Variants in HSD17B3 observed in about 807,000 individuals in gnomAD.
HSD17B3 encodes hydroxysteroid 17-beta dehydrogenase 3.
A neutral mutation model predicts 41.1 loss-of-function variants in HSD17B3; 29 were observed. The observed-to-expected ratio is 0.71, with a 90% CI of 0.53 to 0.96. HSD17B3 has a LOEUF of 0.96. HSD17B3 is among the 40% of genes least tolerant of loss of function. The pLI is 0.00. For missense variants in HSD17B3, 323 were observed against 374.6 expected, an observed-to-expected ratio of 0.86 and a Z score of 1.14; for synonymous variants, 126 against 145.6, an observed-to-expected ratio of 0.87 and a Z score of 0.97.
At chr9:96,242,404 T>C (rs1836492317) in intron 9 of HSD17B3, among the ~76,000 whole-genome samples, 1 of 152,208 alleles carries the variant, frequency 6.6e-6, no homozygotes, top group Non-Finnish European at 1.5e-5. Flanking sequence ...CCCAGAGATA[T>C]AAGCAGGCAT....
At chr9:96,266,351 C>T (rs1475380323) in intron 2 of HSD17B3, among the ~76,000 whole-genome samples, 3 of 152,188 alleles carry the variant, frequency 2.0e-5, no homozygotes, top group Non-Finnish European at 4.4e-5. Flanking sequence ...AGGCTCACCA[C>T]AGCCTTGACC....
intron 2 of HSD17B3, among the ~76,000 whole-genome samples, chr9:96,295,196 G>A (rs1450764317): frequency 5.9e-5 from 9 of 151,794 alleles, no homozygotes; most frequent in Admixed American, 2.0e-4. Context: ...TAGTAGAGAC[G>A]GGGTTTCACT....
intron 3 of HSD17B3, among the ~76,000 whole-genome samples, chr9:96,253,851 A>G (rs1466042952): frequency 1.3e-5 from 2 of 152,156 alleles, no homozygotes; most frequent in Non-Finnish European, 2.9e-5. Flanking sequence ...GTCCTAGTCA[A>G]AGTTACTTCT....
At chr9:96,272,733 G>C (rs1342826856) in intron 2 of HSD17B3, among the ~76,000 whole-genome samples, 1 of 151,538 alleles carries the variant, frequency 6.6e-6, no homozygotes, top group Non-Finnish European at 1.5e-5. Context: ...GAAAAATAAA[G>C]ACTTATGTTT....
chr9:96,292,520 G>A (rs1012666827), intron 2 of HSD17B3, among the ~76,000 whole-genome samples: 3 of 152,094 alleles, frequency 2.0e-5, no homozygotes, highest in African/African-American at 7.2e-5. Context: ...GCTAATTTTT[G>A]TATTTTCCGT....
intron 2 of HSD17B3, among the ~76,000 whole-genome samples, chr9:96,296,085 C>T (rs190895808): frequency 2.0e-5 from 3 of 152,054 alleles, no homozygotes; most frequent in Admixed American, 1.3e-4. Context: ...CCTGTCAGTA[C>T]AAAAAATTTA....
intron 2 of HSD17B3, among the ~76,000 whole-genome samples, chr9:96,290,404 G>T (rs1456587560): frequency 6.2e-5 from 9 of 146,054 alleles, no homozygotes; most frequent in Admixed American, 6.9e-5. Flanking sequence ...GTGAGAGGAG[G>T]TTCATTTAGG....
chr9:96,259,725 G>GAA (rs11410872), intron 2 of HSD17B3, among the ~76,000 whole-genome samples: 32 of 147,386 alleles, frequency 2.2e-4, no homozygotes, highest in East Asian at 4.0e-4. Context: ...CGTCTCAAAA[G>GAA]AAAAAAAAAA....
rs71368240 is a variant in HSD17B3, at chr9:96,262,229, C to CTTTTTT, written c.202-7292_202-7287dup. On this transcript the variant is annotated intron_variant, in intron 2 of 10. Transcript: ENST00000375263. ...ACAGTGGTTGTAAACATGTCAATTG[C>CTTTTTT]TTTTTTTTTTTTTTTTTTTTTTTTT... 6.8e-4 allele frequency among the ~76,000 whole-genome samples: 37 copies of CTTTTTT among 54,210 alleles called. 1 individual carries two copies. Among genetic ancestry groups the CTTTTTT allele is most frequent in the Admixed American group, 1.7e-3 (5 of 2,940 alleles). The allele number at this position is 54,210 out of a possible 152,430, so 35.6% of individuals were successfully genotyped here.
At chr9:96,271,462 C>T (rs1826243214) in intron 2 of HSD17B3, among the ~76,000 whole-genome samples, 1 of 152,204 alleles carries the variant, frequency 6.6e-6, no homozygotes, top group Non-Finnish European at 1.5e-5. Context: ...GACTAAGTGA[C>T]ATTTCCCAGC....
At chr9:96,285,148 T>C (rs1229593168) in intron 2 of HSD17B3, among the ~76,000 whole-genome samples, 1 of 152,112 alleles carries the variant, frequency 6.6e-6, no homozygotes, top group Non-Finnish European at 1.5e-5. Flanking sequence ...TGAAGCCAAT[T>C]TTTAAAAAAA....
At chr9:96,267,088 T>C (rs1826066623) in intron 2 of HSD17B3, among the ~76,000 whole-genome samples, 1 of 151,886 alleles carries the variant, frequency 6.6e-6, no homozygotes, top group African/African-American at 2.4e-5. Context: ...AGTGGCTAAC[T>C]TGAAGACAGA....
At chr9:96,240,987 A>C in intron 9 of HSD17B3, 80 bp from the exon 10 acceptor site, 2 of 1,522,372 alleles carry the variant, frequency 1.3e-6, no homozygotes, top group Non-Finnish European at 1.8e-6. Flanking sequence ...TCAAGCCCCC[A>C]TCCCACCATT....
chr9:96,248,507 C>A (rs1188742349), intron 6 of HSD17B3, among the ~76,000 whole-genome samples: 6 of 152,312 alleles, frequency 3.9e-5, no homozygotes, highest in Non-Finnish European at 8.8e-5. Context: ...GGTCCCAGCT[C>A]CTTGAAATCA....
At chr9:96,256,393 G>C (rs2476922) in intron 2 of HSD17B3, 38,626 of 151,936 alleles carry the variant, frequency 0.25, 5,351 homozygotes, top group African/African-American at 0.34. Flanking sequence ...CAGCACTCTG[G>C]GAGGCCAAGG....
rs183059447 is a variant in HSD17B3, at chr9:96,282,690, A to G, written c.201+15726T>C. On this transcript the variant is annotated intron_variant, in intron 2 of 10. Transcript: ENST00000375263. ...AACCAGGTTTTTCACCAGAAGTAAAAGTTGCTAAGGGTTAACATTGTAACG... is the reference window on the plus strand; with the variant it reads ...AACCAGGTTTTTCACCAGAAGTAAAGGTTGCTAAGGGTTAACATTGTAACG... Among the ~76,000 whole-genome samples, 39 of 152,360 alleles carry G rather than the reference A, an allele frequency of 2.6e-4. 1 individual carries two copies. The East Asian group carries it at 7.1e-3, about 28-fold the overall frequency.
Position 96,246,756 on chromosome 9 carries a change from T to C in HSD17B3, c.490-166A>G. ...TCATTGGAGGTCACTCTGGCCACAT[T>C]AGAGTCTGCCTGGAACCCACAGGAG... is the stretch of plus-strand genomic sequence containing the variant. On this transcript the variant is annotated intron_variant, in intron 6 of 10. Transcript: ENST00000375263. The C allele has an allele frequency of 7.1e-6, 5 of 709,100 alleles. No individual in the cohort carries two copies. The South Asian group carries it at 7.6e-5, about 11-fold the overall frequency. 43.9% of individuals were successfully genotyped at this position (709,100 alleles called of 1,614,324 possible). A position where few individuals can be genotyped will look rare whatever the true frequency, so the allele number is the denominator to read the frequency against.
chr9:96,279,226 G>A (rs774240490), intron 2 of HSD17B3, among the ~76,000 whole-genome samples: 13 of 152,208 alleles, frequency 8.5e-5, no homozygotes, highest in African/African-American at 9.6e-5. Context: ...GAGGTCCTGC[G>A]AACATATACC....
intron 3 of HSD17B3, 96 bp from the exon 4 acceptor site, chr9:96,253,006 C>T: frequency 1.2e-6 from 1 of 808,092 alleles, no homozygotes; most frequent in Non-Finnish European, 2.2e-6. Context: ...CCTGAGCAGA[C>T]ATTGAAGAGG....
Sources: gnomAD v4.1 joint callset for allele counts (sites outside exome capture counted in the v4.1 genomes callset) on GRCh38, gnomAD v4.1.1 for gene constraint, MANE v1.5 for transcripts, NCBI Gene and HGNC (gene_info 2026-07-23, HGNC 2026-07-21) for gene names.